KCNMA1: variants seen among roughly 807,000 people sequenced by gnomAD.
The protein encoded by KCNMA1 is Calcium-activated potassium channel subunit alpha-1.
Under a neutral mutation model 140.0 loss-of-function variants are expected in KCNMA1, and 29 were observed. The ratio of observed to expected loss-of-function variants is 0.21; its 90% CI spans 0.15 to 0.28. The LOEUF is 0.28. Among genes scored for constraint, KCNMA1 ranks in the 10% least tolerant of loss-of-function variants. KCNMA1 has a pLI of 1.00. For missense variants in KCNMA1, 880 were observed against 1,602.2 expected, an observed-to-expected ratio of 0.55 and a Z score of 7.70; for synonymous variants, 612 against 611.9, an observed-to-expected ratio of 1.00 and a Z score of 0.00.
At chr10:77,516,698 T>C (rs974494689) in intron 1 of KCNMA1, among the ~76,000 whole-genome samples, 5 of 152,222 alleles carry the variant, frequency 3.3e-5, no homozygotes, top group African/African-American at 4.8e-5. Context: ...CTGCAGAACT[T>C]TCCACTTCTC....
chr10:77,287,817 G>A (rs1601362368), intron 2 of KCNMA1, among the ~76,000 whole-genome samples: 1 of 152,182 alleles, frequency 6.6e-6, no homozygotes, highest in Non-Finnish European at 1.5e-5. Flanking sequence ...TCACTCAGCA[G>A]GCAGGCAGCA....
intron 5 of KCNMA1, among the ~76,000 whole-genome samples, chr10:77,155,117 G>T (rs888762905): frequency 6.6e-6 from 1 of 152,174 alleles, no homozygotes; most frequent in Admixed American, 6.5e-5. Context: ...TTTATGGGCC[G>T]TAAGGAGGTC....
chr10:76,885,439 G>A lies in KCNMA1; in HGVS notation c.*1827C>T. On this transcript the variant is annotated 3_prime_UTR_variant, in exon 28 of 28. Coordinates refer to ENST00000286628, the MANE Select transcript of KCNMA1 (RefSeq NM_001161352.2). ...GTCTTTGGTGTGGGGGAGGGTGGAG[G>A]TTCTGACTGAGCCTCACCATTTGTC... 1 of 985,116 alleles carries A rather than the reference G, an allele frequency of 1.0e-6. No individual in the cohort carries two copies. The highest frequency in any genetic ancestry group is 5.2e-4 in the Middle Eastern group (1 of 1,914). The allele number at this position is 985,116 out of a possible 1,614,324, so 61.0% of individuals were successfully genotyped here. A position where few individuals can be genotyped will look rare whatever the true frequency, so the allele number is the denominator to read the frequency against.
intron 2 of KCNMA1, among the ~76,000 whole-genome samples, chr10:77,272,305 A>C (rs2065372994): frequency 6.6e-6 from 1 of 152,202 alleles, no homozygotes; most frequent in Non-Finnish European, 1.5e-5. Flanking sequence ...GAATGAATGA[A>C]TGAATACCCT....
chr10:77,422,679 G>C (rs2096892708), intron 1 of KCNMA1, among the ~76,000 whole-genome samples: 1 of 152,236 alleles, frequency 6.6e-6, no homozygotes. Flanking sequence ...TCATACTGGA[G>C]TAGGGTGAGC....
chr10:77,176,594 C>A (rs960920261), intron 5 of KCNMA1, among the ~76,000 whole-genome samples: 3 of 152,050 alleles, frequency 2.0e-5, no homozygotes, highest in African/African-American at 4.8e-5. Context: ...CGTGAATGAC[C>A]CCTGGAGCAA....
At position 77,047,605 on chromosome 10, in the gene KCNMA1, T is replaced by A. The variant is rs1035116009; in HGVS notation, c.1750-7968A>T. ...AAACTGGTCTTTTTTTTTTTTTTTT[T>A]AACACATAGAAGGTTTTGCCACCCT... On this transcript the variant is annotated intron_variant, in intron 14 of 27. Coordinates refer to ENST00000286628, the MANE Select transcript of KCNMA1 (RefSeq NM_001161352.2). Among the ~76,000 whole-genome samples the A allele has an allele frequency of 1.3e-3, 186 of 147,916 alleles. 1 individual carries two copies. The highest frequency in any genetic ancestry group is 4.5e-3 in the African/African-American group (180 of 39,690).
At chr10:77,023,181 G>T (rs2093051099) in intron 16 of KCNMA1, among the ~76,000 whole-genome samples, 1 of 152,162 alleles carries the variant, frequency 6.6e-6, no homozygotes, top group Non-Finnish European at 1.5e-5. Context: ...GGAAAGTAAT[G>T]CATTCCTTTC....
chr10:77,174,955 C>T (rs1404459841), intron 5 of KCNMA1, among the ~76,000 whole-genome samples: 1 of 152,170 alleles, frequency 6.6e-6, no homozygotes, highest in Non-Finnish European at 1.5e-5. Context: ...AAGGCTTGGC[C>T]TGAACATGAA....
intron 24 of KCNMA1, chr10:76,912,349 C>G (rs1315213740): frequency 6.6e-6 from 1 of 152,250 alleles, no homozygotes; most frequent in East Asian, 1.9e-4. Context: ...ATGTGCTACA[C>G]AGCTTTGAAA....
chr10:76,889,347 G>A lies in KCNMA1; in HGVS notation c.3461+104C>T, dbSNP rs557006350. The A allele has an allele frequency of 1.1e-4, 89 of 793,172 alleles. No individual in the cohort carries two copies. In the South Asian group the frequency reaches 1.2e-3, roughly 11 times the overall value. The allele number at this position is 793,172 out of a possible 1,614,324, so 49.1% of individuals were successfully genotyped here. A position where few individuals can be genotyped will look rare whatever the true frequency, so the allele number is the denominator to read the frequency against. On this transcript the variant is annotated intron_variant, in intron 27 of 27. Coordinates refer to ENST00000286628, the MANE Select transcript of KCNMA1 (RefSeq NM_001161352.2). ...TTAATATGGGCAGAGTAATTTGCAT[G>A]TTGAGGAGATGTATACAGACCTTTG...
chr10:77,240,606 G>A (rs577553898), intron 3 of KCNMA1, among the ~76,000 whole-genome samples: 80 of 152,316 alleles, frequency 5.3e-4, no homozygotes, highest in African/African-American at 1.8e-3. Flanking sequence ...AGTACTTTAA[G>A]AGTTTTGGAT....
chr10:77,424,833 T>A (rs903630387), intron 1 of KCNMA1, among the ~76,000 whole-genome samples: 2 of 152,248 alleles, frequency 1.3e-5, no homozygotes, highest in Non-Finnish European at 2.9e-5. Context: ...GGCCCCCTTG[T>A]TCTTTCTCAT....
chr10:77,321,745 GT>G (rs1424201726), intron 2 of KCNMA1, among the ~76,000 whole-genome samples: 5 of 151,782 alleles, frequency 3.3e-5, no homozygotes, highest in Non-Finnish European at 5.9e-5. Context: ...TTTGTTTTGT[GT>G]TTTTCTTCTG....
chr10:77,500,507 G>A (rs1479867441), intron 1 of KCNMA1, among the ~76,000 whole-genome samples: 1 of 152,124 alleles, frequency 6.6e-6, no homozygotes, highest in Non-Finnish European at 1.5e-5. Flanking sequence ...AGCAAGCTAA[G>A]GAGTGATGCC....
chr10:77,267,433 T>A (rs1325527390), intron 2 of KCNMA1, among the ~76,000 whole-genome samples: 1 of 152,206 alleles, frequency 6.6e-6, no homozygotes, highest in Non-Finnish European at 1.5e-5. Flanking sequence ...GTTCTTTTAA[T>A]CCATGACTCC....
chr10:77,232,178 T>G (rs899701678), intron 3 of KCNMA1, among the ~76,000 whole-genome samples: 1 of 152,252 alleles, frequency 6.6e-6, no homozygotes, highest in Non-Finnish European at 1.5e-5. Flanking sequence ...GTTAATCCAG[T>G]CATCTGTTGA....
chr10:77,258,212 C>T (rs1014936865), intron 2 of KCNMA1, among the ~76,000 whole-genome samples: 1 of 152,154 alleles, frequency 6.6e-6, no homozygotes, highest in African/African-American at 2.4e-5. Context: ...AACTGTAAAC[C>T]ATGTATACAT....
At chr10:77,337,326 G>A (rs2089428774) in intron 2 of KCNMA1, among the ~76,000 whole-genome samples, 1 of 152,226 alleles carries the variant, frequency 6.6e-6, no homozygotes, top group East Asian at 1.9e-4. Flanking sequence ...AGAAACACTA[G>A]GCCGGGCATG....
Sources: gnomAD v4.1 joint callset for allele counts (sites outside exome capture counted in the v4.1 genomes callset) on GRCh38, gnomAD v4.1.1 for gene constraint, MANE v1.5 for transcripts, NCBI Gene and HGNC (gene_info 2026-07-23, HGNC 2026-07-21) for gene names.